Variants in NPAS3 observed in about 807,000 individuals in gnomAD.
The protein encoded by NPAS3 is neuronal PAS domain-containing protein 3.
A neutral mutation model predicts 73.1 loss-of-function variants in NPAS3; 14 were observed. That is an observed-to-expected ratio of 0.19 (90% CI 0.13 to 0.30). The LOEUF is 0.30. Among genes scored for constraint, NPAS3 ranks in the 10% least tolerant of loss-of-function variants. The pLI, the probability that NPAS3 is intolerant of heterozygous loss-of-function variation, is 1.00. For synonymous variants in NPAS3, 620 were observed against 541.5 expected, an observed-to-expected ratio of 1.14 and a Z score of -2.01; for missense variants, 1,096 against 1,250.0, an observed-to-expected ratio of 0.88 and a Z score of 1.86.
At chr14:33,381,351 C>A (rs2046544836) in intron 4 of NPAS3, among the ~76,000 whole-genome samples, 1 of 152,174 alleles carries the variant, frequency 6.6e-6, no homozygotes, top group East Asian at 1.9e-4. Flanking sequence ...TATCTCTGCT[C>A]AATGATTAGT....
At chr14:33,041,657 C>T (rs1437791016) in intron 1 of NPAS3, among the ~76,000 whole-genome samples, 9 of 152,180 alleles carry the variant, frequency 5.9e-5, no homozygotes, top group Non-Finnish European at 1.3e-4. Flanking sequence ...GGAAACCAAT[C>T]ACTGAGACAA....
chr14:33,724,494 C>A (rs1338562484), intron 6 of NPAS3, among the ~76,000 whole-genome samples: 1 of 151,944 alleles, frequency 6.6e-6, no homozygotes, highest in South Asian at 2.1e-4. Flanking sequence ...AGTAGCCAGG[C>A]GTGGTGGCGC....
chr14:33,731,584 CCT>C (rs1169072024), intron 6 of NPAS3, among the ~76,000 whole-genome samples: 13 of 152,138 alleles, frequency 8.5e-5, no homozygotes, highest in Non-Finnish European at 1.8e-4. Context: ...CCAGACACCT[CCT>C]CTTTCTGCCT....
At chr14:33,380,576 A>T (rs2046503250) in intron 4 of NPAS3, among the ~76,000 whole-genome samples, 2 of 152,192 alleles carry the variant, frequency 1.3e-5, no homozygotes, top group African/African-American at 4.8e-5. Flanking sequence ...TCCACGGGAC[A>T]GTGTTATTTT....
chr14:33,487,372 G>A (rs1333541541), intron 4 of NPAS3, among the ~76,000 whole-genome samples: 5 of 151,878 alleles, frequency 3.3e-5, no homozygotes, highest in East Asian at 1.9e-4. Context: ...AGGCAAACTC[G>A]CCCATATATC....
intron 4 of NPAS3, among the ~76,000 whole-genome samples, chr14:33,515,349 T>C (rs935040636): frequency 1.3e-5 from 2 of 152,088 alleles, no homozygotes; most frequent in Non-Finnish European, 2.9e-5. Context: ...TTCATAAATA[T>C]ATATGCATGT....
intron 9 of NPAS3, among the ~76,000 whole-genome samples, chr14:33,793,370 C>G (rs1359445898): frequency 6.6e-6 from 1 of 152,162 alleles, no homozygotes; most frequent in East Asian, 1.9e-4. Context: ...CATCGGAGGA[C>G]TATAAATTCT....
chr14:33,067,962 C>T (rs184560060), intron 2 of NPAS3, among the ~76,000 whole-genome samples: 71 of 152,262 alleles, frequency 4.7e-4, no homozygotes, highest in African/African-American at 1.6e-3. Flanking sequence ...TAAAACTTCC[C>T]TTCTTTTCAC....
At chr14:33,025,114 GGACA>G (rs1429675656) in intron 1 of NPAS3, among the ~76,000 whole-genome samples, 6 of 152,234 alleles carry the variant, frequency 3.9e-5, no homozygotes, top group Middle Eastern at 6.8e-3. Flanking sequence ...AAGAGGGAGA[GGACA>G]GAGGAGGCTG....
chr14:33,633,890 G>C (rs374391620), intron 5 of NPAS3, among the ~76,000 whole-genome samples: 1 of 152,016 alleles, frequency 6.6e-6, no homozygotes, highest in East Asian at 1.9e-4. Flanking sequence ...GAGGTAGGAG[G>C]ATCATTTGAT....
intron 8 of NPAS3, among the ~76,000 whole-genome samples, chr14:33,775,190 C>T (rs1250357662): frequency 6.6e-6 from 1 of 152,132 alleles, no homozygotes; most frequent in African/African-American, 2.4e-5. Context: ...GACATTGCCC[C>T]TTCAGACCTT....
intron 1 of NPAS3, among the ~76,000 whole-genome samples, chr14:32,948,772 C>T (rs118140829): frequency 0.039 from 5,983 of 152,150 alleles, 159 homozygotes; most frequent in South Asian, 0.086. Flanking sequence ...ACTCTCCTAC[C>T]AGCCCCTCTC....
At chr14:33,311,198 T>G (rs529073770) in intron 3 of NPAS3, among the ~76,000 whole-genome samples, 86 of 152,288 alleles carry the variant, frequency 5.6e-4, no homozygotes, top group Non-Finnish European at 1.1e-3. Flanking sequence ...CTGTCTCAGC[T>G]GTCCTTTGGC....
chr14:33,566,682 G>A (rs78333151), intron 5 of NPAS3, among the ~76,000 whole-genome samples: 7,691 of 152,166 alleles, frequency 0.051, 540 homozygotes, highest in East Asian at 0.19. Context: ...CTTGAGCAGA[G>A]TGGAAAAACC....
chr14:33,107,257 T>C (rs1555338317), intron 2 of NPAS3, among the ~76,000 whole-genome samples: 2 of 151,798 alleles, frequency 1.3e-5, no homozygotes, highest in Non-Finnish European at 2.9e-5. Flanking sequence ...TTCCCCTAAT[T>C]TTTATTTTAG....
At chr14:33,763,847 T>TG (rs2062374979) in intron 7 of NPAS3, among the ~76,000 whole-genome samples, 1 of 88,692 alleles carries the variant, frequency 1.1e-5, no homozygotes, top group South Asian at 3.2e-4. Flanking sequence ...GAGTATTGGT[T>TG]TTTTTTTTTT....
chr14:33,076,382 T>C (rs1479036407), intron 2 of NPAS3, among the ~76,000 whole-genome samples: 1 of 152,250 alleles, frequency 6.6e-6, no homozygotes. Context: ...TCTTGTTAGT[T>C]GATAAATAGA....
intron 6 of NPAS3, among the ~76,000 whole-genome samples, chr14:33,699,610 A>G (rs150562251): frequency 6.6e-6 from 1 of 152,348 alleles, no homozygotes; most frequent in East Asian, 1.9e-4. Context: ...AGAACATTCA[A>G]TGCTGAAACC....
rs141301198 is a variant in NPAS3, at chr14:33,659,246, A to T, written c.559-16965A>T. Among the ~76,000 whole-genome samples the T allele has an allele frequency of 3.6e-3, 547 of 152,300 alleles. 4 individuals are homozygous for T. Among genetic ancestry groups the T allele is most frequent in the Admixed American group, 6.3e-3 (96 of 15,292 alleles). ...ACCTCATTTAATTTTGACCACAGGA[A>T]GGTAGATGCCATTATTATCTTTACT... On this transcript the variant is annotated intron_variant, in intron 5 of 11. Coordinates refer to ENST00000356141, the Ensembl canonical transcript of NPAS3.
Sources: allele counts gnomAD v4.1 joint callset (sites outside exome capture counted in the v4.1 genomes callset), GRCh38; gene constraint gnomAD v4.1.1; transcripts MANE v1.5; gene names NCBI Gene and HGNC (gene_info 2026-07-23, HGNC 2026-07-21).